RASGRP4: variants seen among roughly 807,000 people sequenced by gnomAD.
RASGRP4 encodes the protein RAS guanyl releasing protein 4.
RASGRP4 carries 52 observed loss-of-function variants against 84.4 expected under a neutral mutation model. The ratio of observed to expected loss-of-function variants is 0.62; its 90% CI spans 0.49 to 0.78. The LOEUF (loss-of-function observed/expected upper bound fraction) is 0.78. Among genes scored for constraint, RASGRP4 ranks in the 30% least tolerant of loss-of-function variants. The pLI is 0.00. For synonymous variants in RASGRP4, 356 were observed against 359.1 expected, an observed-to-expected ratio of 0.99 and a Z score of 0.10; for missense variants, 760 against 886.9, an observed-to-expected ratio of 0.86 and a Z score of 1.82.
At chr19:38,414,004 C>T (rs977344177) in intron 9 of RASGRP4, among the ~76,000 whole-genome samples, 4 of 152,182 alleles carry the variant, frequency 2.6e-5, no homozygotes, top group Admixed American at 1.3e-4. Flanking sequence ...TCTTGGCTCA[C>T]TGCAACCTCC....
Position 38,410,920 on chromosome 19 carries a change from G to T in RASGRP4, c.1931C>A (p.Thr644Asn). 1 of 1,604,314 alleles carries T rather than the reference G, an allele frequency of 6.2e-7. No individual in the cohort carries two copies. Among genetic ancestry groups the T allele is most frequent in the Non-Finnish European group, 8.5e-7 (1 of 1,175,522 alleles). Residue 644 changes from threonine to asparagine, a missense_variant, in exon 16 of 17, where the codon ACT (threonine) becomes AAT (asparagine). Transcript: ENST00000615439. Reference protein sequence around the residue: ...GCQLRHAWTQTESPHPSWETD... With the variant: ...GCQLRHAWTQNESPHPSWETD... Reference sequence around the variant, plus strand: ...TTCCCAGGAAGGGTGTGGGGATTCAGTCTGGGTCCAGGCATGGCGAAGCTG... The same window carrying T: ...TTCCCAGGAAGGGTGTGGGGATTCATTCTGGGTCCAGGCATGGCGAAGCTG...
chr19:38,416,218 C>G (rs544861061), intron 8 of RASGRP4, among the ~76,000 whole-genome samples: 1 of 151,568 alleles, frequency 6.6e-6, no homozygotes, highest in Admixed American at 6.6e-5. Flanking sequence ...AATCCCAGCA[C>G]TTTTGGAGGC....
At chr19:38,423,703 G>C (rs1172234931) in intron 1 of RASGRP4, among the ~76,000 whole-genome samples, 2 of 151,738 alleles carry the variant, frequency 1.3e-5, no homozygotes, top group African/African-American at 4.8e-5. Flanking sequence ...CAGGCGTGGT[G>C]GTGGGCTCCT....
chr19:38,415,174 C>T, intron 8 of RASGRP4, 51 bp from the exon 9 acceptor site: 1 of 1,488,900 alleles, frequency 6.7e-7, no homozygotes, highest in South Asian at 1.3e-5. Context: ...GTCCCATCCC[C>T]TGAGCAGCCT....
In RASGRP4 at chr19:38,412,852, C is replaced by T. The variant is rs1227102391; in HGVS notation, c.1536-36G>A. 6.2e-7 allele frequency: 1 copy of T among 1,611,488 alleles called. No homozygotes were observed. The highest frequency in any genetic ancestry group is 8.5e-7 in the Non-Finnish European group (1 of 1,178,500). On this transcript the variant is annotated intron_variant, in intron 12 of 16. Coordinates refer to ENST00000615439, the MANE Select transcript of RASGRP4 (RefSeq NM_170604.3). The surrounding 1 kb of genome is among the most constrained non-coding windows in gnomAD (Gnocchi z 4.6). ...AAACTGAGCCTCAGCATGACCTGCC[C>T]CAACGTCCTCCAGACCCAGGAGTCC...
chr19:38,416,097 CA>C (rs768715096), intron 8 of RASGRP4, among the ~76,000 whole-genome samples: 112 of 150,994 alleles, frequency 7.4e-4, no homozygotes, highest in Non-Finnish European at 1.4e-3. Context: ...GAGGCTCCAG[CA>C]GTCCTCCCCC....
chr19:38,415,239 G>A, intron 8 of RASGRP4, 116 bp from the exon 9 acceptor site: 2 of 935,488 alleles, frequency 2.1e-6, no homozygotes, highest in South Asian at 3.6e-5. Flanking sequence ...AACCTCTGGA[G>A]CCCTTCCATA....
intron 2 of RASGRP4, 145 bp from the exon 3 acceptor site, chr19:38,421,345 T>C: frequency 1.6e-6 from 1 of 637,562 alleles, no homozygotes; most frequent in South Asian, 1.8e-5. Context: ...CCTAACCTCC[T>C]GTGCCTCAGT....
rs188318328 is a variant in RASGRP4, at chr19:38,409,195, A to G, written c.*845T>C. The G allele has an allele frequency of 8.2e-4, 201 of 245,934 alleles. No homozygotes were observed. Among genetic ancestry groups the G allele is most frequent in the African/African-American group, 4.5e-3 (196 of 43,666 alleles). The allele number at this position is 245,934 out of a possible 1,614,324, so 15.2% of individuals were successfully genotyped here. On this transcript the variant is annotated 3_prime_UTR_variant, in exon 17 of 17. Transcript: ENST00000615439. ...AATGGGCCCCTGCTGCTCGACCCTC[A>G]AAGTTCTTTGCCCTATAGCACATCT...
At position 38,422,124 on chromosome 19, in the gene RASGRP4, A is replaced by G. The variant is rs892055; in HGVS notation, c.53T>C (p.Ile18Thr). 0.39 allele frequency: 621,048 copies of G among 1,610,698 alleles called. 125,314 individuals are homozygous for G. The highest frequency in any genetic ancestry group is 0.59 in the African/African-American group (44,473 of 74,850). Reference sequence around the variant, plus strand: ...TTGGCGGGGCCGGCCTCGCCCTCCTATTTTTCCGGTGCATTCCTGGTGGGA... The same window carrying G: ...TTGGCGGGGCCGGCCTCGCCCTCCTGTTTTTCCGGTGCATTCCTGGTGGGA... Reference protein sequence around the residue: ...RKSHQECTGKIGGRGRPRQVR... With the variant: ...RKSHQECTGKTGGRGRPRQVR... The change falls in exon 2 of 17, where the codon ATA (isoleucine) becomes ACA (threonine). Residue 18 changes from isoleucine to threonine, a missense_variant. Physicochemically the swap from Ile to Thr is moderately conservative, Grantham distance 89 (BLOSUM62 -1). Coordinates refer to ENST00000615439, the MANE Select transcript of RASGRP4 (RefSeq NM_170604.3).
chr19:38,418,554 A>C lies in RASGRP4; in HGVS notation c.674T>G (p.Leu225Arg). 1 of 1,528,110 alleles carries C rather than the reference A, an allele frequency of 6.5e-7. No individual in the cohort carries two copies. Among genetic ancestry groups the C allele is most frequent in the African/African-American group, 1.4e-5 (1 of 72,552 alleles). 94.7% of individuals were successfully genotyped at this position (1,528,110 alleles called of 1,614,324 possible). ...TGAGCCCTGCAAAACGTAGCTCCGC[A>C]GGTCCTGGGGCTGGGAGCGAGGTGG... ...RSFQAITPQD[L>R]RSYVLQGSVR... The change falls in exon 7 of 17, where the codon CTG becomes CGG. Residue 225 changes from leucine (L) to arginine (R), a missense_variant. Leu to Arg is a moderately radical substitution (Grantham distance 102). Coordinates refer to ENST00000615439, the MANE Select transcript of RASGRP4 (RefSeq NM_170604.3). This position sits in a 1 kb window ranked among gnomAD's most constrained non-coding sequence, Gnocchi z 4.6.
chr19:38,411,019 G>C, intron 15 of RASGRP4, 21 bp from the exon 16 acceptor site: 1 of 1,608,608 alleles, frequency 6.2e-7, no homozygotes, highest in Non-Finnish European at 8.5e-7. Context: ...GTGGATGGAA[G>C]GGATGTGGGT....
chr19:38,411,256 G>A lies in RASGRP4; in HGVS notation c.1718-7C>T, dbSNP rs776102633. The A allele has an allele frequency of 1.2e-6, 2 of 1,613,822 alleles. No homozygotes were observed. Among genetic ancestry groups the A allele is most frequent in the African/African-American group, 2.7e-5 (2 of 74,922 alleles). ...TGGCAACACAGCCCGCACTCTGGGG[G>A]AAGGCAGCGGCAGGGGTCCGATCTG... On this transcript the variant is annotated splice_polypyrimidine_tract_variant and splice_region_variant and intron_variant, in intron 14 of 16. Coordinates refer to ENST00000615439, the MANE Select transcript of RASGRP4 (RefSeq NM_170604.3).
intron 9 of RASGRP4, among the ~76,000 whole-genome samples, chr19:38,414,015 G>A (rs1019432115): frequency 2.7e-5 from 4 of 150,404 alleles, no homozygotes; most frequent in Non-Finnish European, 5.9e-5. Flanking sequence ...TGCAACCTCC[G>A]CCTCCCAGGT....
chr19:38,424,595 G>A (rs897984163), intron 1 of RASGRP4, among the ~76,000 whole-genome samples: 2 of 135,702 alleles, frequency 1.5e-5, no homozygotes, highest in Admixed American at 1.5e-4. Flanking sequence ...AATTTTGTGT[G>A]TGTGTTTGGG....
intron 1 of RASGRP4, among the ~76,000 whole-genome samples, chr19:38,423,711 C>T (rs565926152): frequency 6.6e-6 from 1 of 151,762 alleles, no homozygotes; most frequent in East Asian, 1.9e-4. Flanking sequence ...GTGGTGGGCT[C>T]CTGTAATCCC....
rs374477767 is a variant in RASGRP4 at position 38,424,821 on chromosome 19, AG to A, written c.23+1247del. ...TTTCCCTAAGTGTGGGCACCCAGCT[AG>A]TACCAAAAGCATCACCTGGGAACTG... On this transcript the variant is annotated intron_variant, in intron 1 of 16. Transcript: ENST00000615439. Among the ~76,000 whole-genome samples, 785 of 152,240 alleles carry A rather than the reference AG, an allele frequency of 5.2e-3. 13 individuals carry two copies. Among genetic ancestry groups the A allele is most frequent in the African/African-American group, 0.018 (731 of 41,550 alleles).
In RASGRP4 at chr19:38,409,889, A is replaced by G. The variant is rs1378659294; in HGVS notation, c.*151T>C. 5.3e-6 allele frequency: 3 copies of G among 568,634 alleles called. No homozygotes were observed. Among genetic ancestry groups the G allele is most frequent in the Admixed American group, 3.6e-5 (1 of 27,986 alleles). The allele number at this position is 568,634 out of a possible 1,614,324, so 35.2% of individuals were successfully genotyped here. A position where few individuals can be genotyped will look rare whatever the true frequency, so the allele number is the denominator to read the frequency against. On this transcript the variant is annotated 3_prime_UTR_variant, in exon 17 of 17. Coordinates refer to ENST00000615439, the MANE Select transcript of RASGRP4 (RefSeq NM_170604.3). ...CAAAAGAGGAAAGTCACTTCCAGGG[A>G]AAAAGATGACGGACGTACCACTAAA...
chr19:38,415,220 C>T, intron 8 of RASGRP4, 97 bp from the exon 9 acceptor site: 5 of 1,184,124 alleles, frequency 4.2e-6, no homozygotes, highest in Non-Finnish European at 4.7e-6. Flanking sequence ...GACCCAGTGG[C>T]ATTGTGGAAA....
Sources: gnomAD v4.1 joint callset for allele counts (sites outside exome capture counted in the v4.1 genomes callset) on GRCh38, gnomAD v4.1.1 for gene constraint, Gnocchi (gnomAD v3.1) non-coding constraint, MANE v1.5 for transcripts, NCBI Gene and HGNC (gene_info 2026-07-23, HGNC 2026-07-21) for gene names.